Variants in KIAA0825 observed in about 807,000 individuals in gnomAD.
KIAA0825 encodes the protein KIAA0825.
A neutral mutation model predicts 147.6 loss-of-function variants in KIAA0825; 119 were observed. The ratio of observed to expected loss-of-function variants is 0.81; its 90% CI spans 0.69 to 0.94. The LOEUF (loss-of-function observed/expected upper bound fraction) is 0.94, where lower values mean the gene tolerates loss of function less well. Among genes scored for constraint, KIAA0825 ranks in the 40% least tolerant of loss-of-function variants. KIAA0825 has a pLI of 0.00. For synonymous variants in KIAA0825, 470 were observed against 518.1 expected, an observed-to-expected ratio of 0.91 and a Z score of 1.26; for missense variants, 1,381 against 1,472.7, an observed-to-expected ratio of 0.94 and a Z score of 1.02.
intron 13 of KIAA0825, 24 bp from the exon 14 acceptor site, chr5:94,440,145 G>A (rs1756892782): frequency 3.2e-6 from 5 of 1,547,444 alleles, no homozygotes; most frequent in African/African-American, 2.7e-5. Flanking sequence ...AGATAAAGAT[G>A]GAGTAATGAA....
intron 2 of KIAA0825, among the ~76,000 whole-genome samples, chr5:94,565,049 CTCTCTCTTTCTTTCCTG>C (rs1161209184): frequency 1.5e-5 from 2 of 137,538 alleles, no homozygotes; most frequent in Admixed American, 7.4e-5. Context: ...CTCTCTCTCT[CTCTCTCTTTCTTTCCTG>C]TCTCTCTTTC....
At chr5:94,451,659 G>A (rs1758427745) in intron 13 of KIAA0825, among the ~76,000 whole-genome samples, 1 of 152,166 alleles carries the variant, frequency 6.6e-6, no homozygotes, top group South Asian at 2.1e-4. Context: ...TGAAAGATAA[G>A]CCCATTTCCA....
At chr5:94,587,693 T>A (rs1282333888) in intron 1 of KIAA0825, among the ~76,000 whole-genome samples, 1 of 152,196 alleles carries the variant, frequency 6.6e-6, no homozygotes, top group Non-Finnish European at 1.5e-5. Flanking sequence ...TGGGAAAAAC[T>A]ACTTTAAATT....
chr5:94,520,929 AT>A lies in KIAA0825; in HGVS notation c.301-13del, dbSNP rs1768060008. 1 of 1,537,968 alleles carries A rather than the reference AT, an allele frequency of 6.5e-7. No homozygotes were observed. Among genetic ancestry groups the A allele is most frequent in the Admixed American group, 1.8e-5 (1 of 54,960 alleles). On this transcript the variant is annotated splice_polypyrimidine_tract_variant and intron_variant, in intron 4 of 20. Coordinates refer to ENST00000682413, the MANE Select transcript of KIAA0825 (RefSeq NM_001145678.3). Reference sequence around the variant, plus strand: ...TTCAACAAATCTTGCTAATGAAATTATAACATTAGAAATGTGATTAAGTGCA... The same window carrying A: ...TTCAACAAATCTTGCTAATGAAATTAAACATTAGAAATGTGATTAAGTGCA...
intron 14 of KIAA0825, among the ~76,000 whole-genome samples, chr5:94,420,283 T>C (rs1231158408): frequency 6.6e-6 from 1 of 152,118 alleles, no homozygotes; most frequent in Non-Finnish European, 1.5e-5. Flanking sequence ...TTCTATGGAA[T>C]GGGTGCTAAT....
chr5:94,479,617 G>A (rs1010093651), intron 6 of KIAA0825, among the ~76,000 whole-genome samples: 5 of 152,030 alleles, frequency 3.3e-5, no homozygotes, highest in African/African-American at 9.7e-5. Context: ...AAATACCTAC[G>A]AGTGCAATTG....
intron 20 of KIAA0825, among the ~76,000 whole-genome samples, chr5:94,240,697 T>A (rs1304093642): frequency 6.6e-6 from 1 of 152,140 alleles, no homozygotes; most frequent in Non-Finnish European, 1.5e-5. Context: ...TGCCAGACTG[T>A]CAAAGGGAAA....
intron 20 of KIAA0825, among the ~76,000 whole-genome samples, chr5:94,259,394 T>G (rs1041170681): frequency 6.6e-6 from 1 of 152,020 alleles, no homozygotes; most frequent in Non-Finnish European, 1.5e-5. Flanking sequence ...AGGCAACTTA[T>G]TAGTAAGGTG....
intron 2 of KIAA0825, among the ~76,000 whole-genome samples, chr5:94,560,919 C>T (rs1013920068): frequency 1.3e-5 from 2 of 152,190 alleles, no homozygotes; most frequent in Non-Finnish European, 2.9e-5. Context: ...AACATAGCTC[C>T]AAAAACTCTT....
At chr5:94,490,039 C>A (rs1047149210) in intron 5 of KIAA0825, among the ~76,000 whole-genome samples, 7 of 151,982 alleles carry the variant, frequency 4.6e-5, no homozygotes, top group African/African-American at 1.7e-4. Flanking sequence ...ATCTGTAGGA[C>A]ATTTCTAAGA....
intron 2 of KIAA0825, among the ~76,000 whole-genome samples, chr5:94,563,196 A>AAC (rs1554046497): frequency 0.025 from 1,487 of 58,434 alleles, 15 homozygotes; most frequent in Non-Finnish European, 0.045. Flanking sequence ...CAAAAAAAAC[A>AAC]AAAAAAAAAA....
chr5:94,384,750 T>G (rs1748919234), intron 19 of KIAA0825, among the ~76,000 whole-genome samples: 1 of 152,214 alleles, frequency 6.6e-6, no homozygotes, highest in Admixed American at 6.5e-5. Context: ...CAAGTTTCTC[T>G]GAGAAGGAGA....
chr5:94,281,952 G>T (rs1028689323), intron 20 of KIAA0825, among the ~76,000 whole-genome samples: 1 of 151,872 alleles, frequency 6.6e-6, no homozygotes, highest in African/African-American at 2.4e-5. Context: ...CAAGTATTCC[G>T]CCAAGAAGTC....
chr5:94,280,325 G>A (rs570421249), intron 20 of KIAA0825, among the ~76,000 whole-genome samples: 1 of 152,100 alleles, frequency 6.6e-6, no homozygotes, highest in South Asian at 2.1e-4. Flanking sequence ...TTATCTTATG[G>A]TAAAACTGAA....
rs148367887 is a variant in KIAA0825, at chr5:94,494,051, A to G, written c.971-9121T>C. The stretch of plus-strand genomic sequence containing the variant: ...ACCTAAGTGGCTAAAAAGGGTGAAG[A>G]TAGAGTCACCCTGAAGCTATTCTTC... On this transcript the variant is annotated intron_variant, in intron 5 of 20. Transcript: ENST00000682413. 3.7e-4 allele frequency among the ~76,000 whole-genome samples: 57 copies of G among 152,270 alleles called. No individual in the cohort carries two copies. The East Asian group carries it at 0.01, about 27-fold the overall frequency.
At chr5:94,419,613 A>G (rs1245617191) in intron 14 of KIAA0825, among the ~76,000 whole-genome samples, 1 of 152,222 alleles carries the variant, frequency 6.6e-6, no homozygotes, top group African/African-American at 2.4e-5. Context: ...AATCATCATG[A>G]TTTAATCAAT....
chr5:94,235,485 G>T (rs4547912), intron 20 of KIAA0825, among the ~76,000 whole-genome samples: 13,001 of 152,284 alleles, frequency 0.085, 710 homozygotes, highest in Middle Eastern at 0.14. Context: ...TTTAAGGAAA[G>T]AAGCTGTTTC....
chr5:94,504,276 A>G (rs73145040), intron 5 of KIAA0825, among the ~76,000 whole-genome samples: 1,933 of 152,302 alleles, frequency 0.013, 40 homozygotes, highest in African/African-American at 0.043. Flanking sequence ...ACAACAGACA[A>G]TAAGCTGGAG....
At chr5:94,228,750 A>G (rs1774428391) in intron 20 of KIAA0825, among the ~76,000 whole-genome samples, 2 of 152,222 alleles carry the variant, frequency 1.3e-5, no homozygotes, top group Admixed American at 1.3e-4. Flanking sequence ...GAGTTTTTCA[A>G]ATGCTCTCAG....
Sources: allele counts gnomAD v4.1 joint callset (sites outside exome capture counted in the v4.1 genomes callset), GRCh38; gene constraint gnomAD v4.1.1; transcripts MANE v1.5; gene names NCBI Gene and HGNC (gene_info 2026-07-23, HGNC 2026-07-21).